Variants in LANCL2 observed in about 807,000 individuals in gnomAD.
The protein encoded by LANCL2 is LanC like glutathione S-transferase 2.
Under a neutral mutation model 56.9 loss-of-function variants are expected in LANCL2, and 33 were observed. The ratio of observed to expected loss-of-function variants is 0.58; its 90% CI spans 0.44 to 0.78. LANCL2 has a LOEUF of 0.78. Among genes scored for constraint, LANCL2 ranks in the 30% least tolerant of loss-of-function variants. The pLI, the probability that LANCL2 is intolerant of heterozygous loss-of-function variation, is 0.00. For missense variants in LANCL2, 562 were observed against 580.2 expected (o/e 0.97, Z 0.32); for synonymous variants, 233 against 228.2 (o/e 1.02, Z -0.19).
intron 1 of LANCL2, among the ~76,000 whole-genome samples, chr7:55,385,660 G>A (rs1044938495): frequency 5.9e-5 from 9 of 152,180 alleles, no homozygotes; most frequent in African/African-American, 2.2e-4. Context: ...GAGGCAGGGC[G>A]AGATCACAGG....
chr7:55,425,544 G>A, intron 7 of LANCL2, 114 bp downstream of exon 7: 1 of 968,506 alleles, frequency 1.0e-6, no homozygotes, highest in Non-Finnish European at 1.6e-6. Flanking sequence ...CAGTTCTGTA[G>A]CTTCCTCTTT....
intron 6 of LANCL2, among the ~76,000 whole-genome samples, chr7:55,415,621 C>CTTTTGTTTTTTTTTTTTTT: frequency 8.9e-6 from 1 of 111,770 alleles, no homozygotes; most frequent in South Asian, 3.0e-4. Flanking sequence ...GTTTTTCTTT[C>CTTTTGTTTTTTTTTTTTTT]TTTTTTTTGA....
chr7:55,391,805 T>G lies in LANCL2; in HGVS notation c.217T>G (p.Phe73Val). 1 of 1,589,506 alleles carries G rather than the reference T, an allele frequency of 6.3e-7. No individual in the cohort carries two copies. The highest frequency in any genetic ancestry group is 1.1e-5 in the South Asian group (1 of 90,546). ...FHQDGKIIHN[F>V]IRRIQTKIKD... ...TTTTGGATCTCAGATCATTCATAAT[T>G]TCATAAGACGGATCCAGACCAAAAT... The change falls in exon 2 of 9, where the codon TTC becomes GTC. Residue 73 changes from phenylalanine to valine, a missense_variant. Around this residue, in one of 2 missense-constraint regions of LANCL2, gnomAD observed 184 missense variants for 111.8 expected, o/e 1.65. Coordinates refer to ENST00000254770, the MANE Select transcript of LANCL2 (RefSeq NM_018697.4).
intron 1 of LANCL2, among the ~76,000 whole-genome samples, chr7:55,384,696 T>C (rs1317175510): frequency 1.3e-5 from 2 of 152,024 alleles, no homozygotes; most frequent in South Asian, 2.1e-4. Flanking sequence ...CAACACATTA[T>C]ATATAGGGAA....
At chr7:55,371,552 T>C (rs1414703871) in intron 1 of LANCL2, among the ~76,000 whole-genome samples, 1 of 152,198 alleles carries the variant, frequency 6.6e-6, no homozygotes, top group Non-Finnish European at 1.5e-5. Context: ...GTAATATTTG[T>C]TTATTTCTGC....
intron 6 of LANCL2, among the ~76,000 whole-genome samples, chr7:55,414,058 A>T (rs1225976650): frequency 6.6e-6 from 1 of 152,242 alleles, no homozygotes; most frequent in Non-Finnish European, 1.5e-5. Context: ...AATATGTACA[A>T]TTATTATATA....
At chr7:55,406,402 G>A (rs1334017097) in intron 5 of LANCL2, among the ~76,000 whole-genome samples, 1 of 150,652 alleles carries the variant, frequency 6.6e-6, no homozygotes, top group East Asian at 1.9e-4. Context: ...GAGCAGTCAG[G>A]TGGTTGTCGC....
intron 6 of LANCL2, 87 bp from the exon 7 acceptor site, chr7:55,425,167 C>T (rs1790650979): frequency 1.5e-6 from 2 of 1,346,440 alleles, no homozygotes; most frequent in African/African-American, 1.4e-5. Context: ...TAATATCATG[C>T]CATATTCTAA....
intron 1 of LANCL2, among the ~76,000 whole-genome samples, chr7:55,380,620 C>T (rs1248449332): frequency 6.6e-6 from 1 of 152,026 alleles, no homozygotes; most frequent in African/African-American, 2.4e-5. Flanking sequence ...GAATATGTTA[C>T]AGTGCGTGAT....
rs143161573 is a variant in LANCL2 at position 55,399,800 on chromosome 7, C to T, written c.531-157C>T. 4.7e-4 allele frequency among the ~76,000 whole-genome samples: 72 copies of T among 152,090 alleles called. 2 individuals carry two copies. The highest frequency in any genetic ancestry group is 6.8e-3 in the Middle Eastern group (2 of 294). ...CAAAAGGGGACTAGTAAACTGGAGA[C>T]GTTTTTGTTGTGTTCTGGATTTGGG... On this transcript the variant is annotated intron_variant, in intron 3 of 8. Coordinates refer to ENST00000254770, the MANE Select transcript of LANCL2 (RefSeq NM_018697.4).
At chr7:55,384,069 A>C (rs909010320) in intron 1 of LANCL2, among the ~76,000 whole-genome samples, 6 of 152,166 alleles carry the variant, frequency 3.9e-5, no homozygotes, top group African/African-American at 1.2e-4. Flanking sequence ...GAAATTATCC[A>C]GTGTGCAAAA....
At chr7:55,414,042 C>T (rs1459445553) in intron 6 of LANCL2, among the ~76,000 whole-genome samples, 2 of 151,930 alleles carry the variant, frequency 1.3e-5, no homozygotes, top group Non-Finnish European at 2.9e-5. Flanking sequence ...ATCACATGCA[C>T]CCATAAATAT....
intron 5 of LANCL2, among the ~76,000 whole-genome samples, chr7:55,410,047 A>C (rs766784584): frequency 6.6e-6 from 1 of 152,232 alleles, no homozygotes; most frequent in Non-Finnish European, 1.5e-5. Context: ...ATCTGCCACA[A>C]GGGGAAACCT....
At chr7:55,396,693 G>A (rs1325245719) in intron 2 of LANCL2, among the ~76,000 whole-genome samples, 2 of 137,244 alleles carry the variant, frequency 1.5e-5, no homozygotes, top group East Asian at 2.2e-4. Flanking sequence ...AACAAAAAAC[G>A]ACAAAGCATG....
intron 1 of LANCL2, among the ~76,000 whole-genome samples, chr7:55,385,207 T>C (rs1583746676): frequency 6.6e-6 from 1 of 151,158 alleles, no homozygotes; most frequent in African/African-American, 2.4e-5. Context: ...GTAACAGAGG[T>C]GATACCTGAT....
At chr7:55,377,878 A>T (rs529961266) in intron 1 of LANCL2, among the ~76,000 whole-genome samples, 92 of 152,334 alleles carry the variant, frequency 6.0e-4, no homozygotes, top group Middle Eastern at 3.4e-3. Context: ...TTCTATTCAT[A>T]TGGTATGACT....
intron 1 of LANCL2, among the ~76,000 whole-genome samples, chr7:55,377,964 C>T (rs1790021997): frequency 6.6e-6 from 1 of 152,140 alleles, no homozygotes; most frequent in Admixed American, 6.5e-5. Flanking sequence ...TTGCAGTAAG[C>T]AGAGAATGCA....
intron 6 of LANCL2, among the ~76,000 whole-genome samples, chr7:55,413,549 C>G (rs1192835744): frequency 6.6e-6 from 1 of 152,194 alleles, no homozygotes; most frequent in Non-Finnish European, 1.5e-5. Context: ...ACCCTTCCTC[C>G]TGGGCAGTTC....
At position 55,415,996 on chromosome 7, in the gene LANCL2, TAGAG is replaced by T. The variant is rs1228022717; in HGVS notation, c.1008+3909_1008+3912del. 2.0e-5 allele frequency among the ~76,000 whole-genome samples: 3 copies of T among 152,304 alleles called. No homozygotes were observed. In the South Asian group the frequency reaches 6.2e-4, roughly 32 times the overall value. On this transcript the variant is annotated intron_variant, in intron 6 of 8. Transcript: ENST00000254770. Reference sequence around the variant, plus strand: ...ATGAACATTCTTGCACAGGTCTGTCTAGAGACACATGTCTTCATTTCTTTTGGGT... The same window carrying T: ...ATGAACATTCTTGCACAGGTCTGTCTACACATGTCTTCATTTCTTTTGGGT...
Sources: allele counts gnomAD v4.1 joint callset (sites outside exome capture counted in the v4.1 genomes callset), GRCh38; gene constraint gnomAD v4.1.1; regional missense constraint gnomAD v4.1.1; transcripts MANE v1.5; gene names NCBI Gene and HGNC (gene_info 2026-07-23, HGNC 2026-07-21).